The following SACM1L variants were observed in gnomAD, a reference collection of about 807,000 sequenced individuals.
SACM1L encodes the protein phosphatidylinositol-3-phosphatase SAC1.
Under a neutral mutation model 89.5 loss-of-function variants are expected in SACM1L, and 32 were observed. The ratio of observed to expected loss-of-function variants is 0.36; its 90% confidence interval spans 0.27 to 0.48. SACM1L has a LOEUF of 0.48. Ranked by LOEUF, SACM1L falls within the 20% of genes least tolerant of loss-of-function variation. The pLI is 0.99. For synonymous variants in SACM1L, 213 were observed against 232.8 expected (o/e 0.92, Z 0.77); for missense variants, 543 against 708.5 (o/e 0.77, Z 2.65).
intron 14 of SACM1L, among the ~76,000 whole-genome samples, chr3:45,735,743 A>C (rs1353368347): frequency 6.6e-6 from 1 of 152,238 alleles, no homozygotes; most frequent in Admixed American, 6.5e-5. Context: ...TAGAAGTGGA[A>C]TTACTGGGTT....
rs1353416280 is a variant in SACM1L, at chr3:45,743,678, T to C, written c.*9T>C. On this transcript the variant is annotated 3_prime_UTR_variant, in exon 20 of 20. Coordinates refer to ENST00000389061, the MANE Select transcript of SACM1L (RefSeq NM_014016.5). ...AAGAAAAGATAGACTGAATTTGTAT[T>C]TGTGGAAAGCGGCTTGGCTTGGAAG... 4 of 1,610,994 alleles carry C rather than the reference T, an allele frequency of 2.5e-6. No homozygotes were observed. The South Asian group carries it at 3.3e-5, about 13-fold the overall frequency.
intron 11 of SACM1L, among the ~76,000 whole-genome samples, chr3:45,726,861 CTTTA>C (rs1698930640): frequency 1.4e-5 from 1 of 72,630 alleles, no homozygotes; most frequent in Non-Finnish European, 3.0e-5. Context: ...ACTGCTTTTG[CTTTA>C]TTTCTTTTTT....
chr3:45,724,103 G>A (rs912496980), intron 11 of SACM1L, among the ~76,000 whole-genome samples: 1 of 152,080 alleles, frequency 6.6e-6, no homozygotes, highest in Non-Finnish European at 1.5e-5. Flanking sequence ...GCAAGTATCT[G>A]ATTGAGTCCC....
chr3:45,724,333 G>GTGTGTGTT (rs1698864762), intron 11 of SACM1L, among the ~76,000 whole-genome samples: 3 of 151,338 alleles, frequency 2.0e-5, no homozygotes, highest in African/African-American at 7.3e-5. Context: ...GTGTGTGTGT[G>GTGTGTGTT]TTTAATGATA....
intron 19 of SACM1L, chr3:45,742,979 T>G (rs958727572): frequency 1.3e-5 from 2 of 152,170 alleles, no homozygotes; most frequent in Admixed American, 6.5e-5. Context: ...CTAAAGAAAA[T>G]GTTATTGACT....
intron 1 of SACM1L, among the ~76,000 whole-genome samples, chr3:45,694,386 TACAGAC>T (rs1432578519): frequency 6.6e-6 from 1 of 152,198 alleles, no homozygotes; most frequent in Non-Finnish European, 1.5e-5. Flanking sequence ...TACCTTGTGA[TACAGAC>T]ACATATAATC....
At chr3:45,719,372 C>T in intron 7 of SACM1L, 128 bp from the exon 8 acceptor site, 2 of 523,160 alleles carry the variant, frequency 3.8e-6, no homozygotes, top group Non-Finnish European at 6.7e-6. Flanking sequence ...TGTGAATATT[C>T]ATGAAGATTT....
At chr3:45,705,231 TG>T in intron 3 of SACM1L, 22 bp downstream of exon 3, 1 of 1,486,778 alleles carries the variant, frequency 6.7e-7, no homozygotes, top group Non-Finnish European at 9.4e-7. Context: ...TAAGCTAAGA[TG>T]GGCAAAGAAG....
At chr3:45,696,249 G>A (rs903156844) in intron 1 of SACM1L, among the ~76,000 whole-genome samples, 1 of 152,044 alleles carries the variant, frequency 6.6e-6, no homozygotes, top group African/African-American at 2.4e-5. Flanking sequence ...CGCCTGCCTC[G>A]TCCTCCCTGA....
intron 13 of SACM1L, among the ~76,000 whole-genome samples, chr3:45,734,112 A>ATTT (rs1699140102): frequency 5.5e-4 from 44 of 80,402 alleles, no homozygotes; most frequent in Admixed American, 5.2e-3. Flanking sequence ...CCCATTTAAG[A>ATTT]ATTTTTTTTT....
intron 11 of SACM1L, among the ~76,000 whole-genome samples, chr3:45,726,806 T>G (rs1575405348): frequency 6.6e-6 from 1 of 152,122 alleles, no homozygotes; most frequent in East Asian, 1.9e-4. Flanking sequence ...GCTTTGAGGT[T>G]TTCTTTTTTA....
At chr3:45,736,981 C>T (rs1312943712) in intron 14 of SACM1L, among the ~76,000 whole-genome samples, 1 of 152,082 alleles carries the variant, frequency 6.6e-6, no homozygotes, top group Non-Finnish European at 1.5e-5. Flanking sequence ...GATGGTGGTT[C>T]TCAGAAGTGA....
At chr3:45,699,960 A>C (rs1452336332) in intron 1 of SACM1L, among the ~76,000 whole-genome samples, 1 of 152,220 alleles carries the variant, frequency 6.6e-6, no homozygotes, top group East Asian at 1.9e-4. Flanking sequence ...TTGTACCTCC[A>C]AAGTTGTATG....
At chr3:45,727,584 A>G (rs1042978527) in intron 11 of SACM1L, among the ~76,000 whole-genome samples, 15 of 152,102 alleles carry the variant, frequency 9.9e-5, no homozygotes, top group African/African-American at 3.6e-4. Flanking sequence ...TGTTGAAAGT[A>G]GGGTATTGAA....
intron 8 of SACM1L, 115 bp downstream of exon 8, chr3:45,719,716 G>T: frequency 3.5e-6 from 2 of 572,306 alleles, no homozygotes; most frequent in South Asian, 4.8e-5. Context: ...GCCTTGCTAA[G>T]TATTTATCTC....
chr3:45,735,407 C>T lies in SACM1L; in HGVS notation c.1239+34C>T, dbSNP rs757781057. 64 of 1,488,898 alleles carry T rather than the reference C, an allele frequency of 4.3e-5. 1 individual carries two copies. The South Asian group carries it at 4.6e-4, about 11-fold the overall frequency. 92.2% of individuals were successfully genotyped at this position (1,488,898 alleles called of 1,614,324 possible). On this transcript the variant is annotated intron_variant, in intron 14 of 19. Transcript: ENST00000389061. Reference sequence around the variant, plus strand: ...GCTTTTTTTTTTTTTAATTGAAAAACAACACAGCAAAAAATTAAACATCTT... The same window carrying T: ...GCTTTTTTTTTTTTTAATTGAAAAATAACACAGCAAAAAATTAAACATCTT...
rs182683667 is a variant in SACM1L, at chr3:45,741,601, G to C, written c.1628-1932G>C. On this transcript the variant is annotated intron_variant, in intron 19 of 19. Transcript: ENST00000389061. ...GTCACCTTTTTGATAGGGAGGCTCAGTTACCTGTTCATCTCTGTATTCCCC... is the reference window on the plus strand; with the variant it reads ...GTCACCTTTTTGATAGGGAGGCTCACTTACCTGTTCATCTCTGTATTCCCC... 2.0e-5 allele frequency among the ~76,000 whole-genome samples: 3 copies of C among 152,274 alleles called. No homozygotes were observed. The East Asian group carries it at 5.8e-4, about 29-fold the overall frequency.
intron 19 of SACM1L, 133 bp downstream of exon 19, chr3:45,739,777 G>C: frequency 1.2e-6 from 1 of 823,224 alleles, no homozygotes; most frequent in Non-Finnish European, 2.0e-6. Context: ...TGTGACATTA[G>C]ATTGTCATTA....
At chr3:45,713,993 A>G (rs1245943710) in intron 6 of SACM1L, 53 bp from the exon 7 acceptor site, 2 of 952,746 alleles carry the variant, frequency 2.1e-6, no homozygotes, top group Non-Finnish European at 3.1e-6. Context: ...TTTTTATATA[A>G]TGCTTATTTA....
Sources: allele counts gnomAD v4.1 joint callset (sites outside exome capture counted in the v4.1 genomes callset), GRCh38; gene constraint gnomAD v4.1.1; transcripts MANE v1.5; gene names NCBI Gene and HGNC (gene_info 2026-07-23, HGNC 2026-07-21).